Variants in GALNT13 observed in about 807,000 individuals in gnomAD.
GALNT13 encodes polypeptide N-acetylgalactosaminyltransferase 13.
GALNT13 carries 28 observed loss-of-function variants against 64.2 expected under a neutral mutation model. That is an observed-to-expected ratio of 0.44 (90% CI 0.32 to 0.60). The LOEUF (loss-of-function observed/expected upper bound fraction) is 0.60, where lower values mean the gene tolerates loss of function less well. Among genes scored for constraint, GALNT13 ranks in the 20% least tolerant of loss-of-function variants. GALNT13 has a pLI of 0.05. For missense variants in GALNT13, 577 were observed against 669.8 expected, an observed-to-expected ratio of 0.86 and a Z score of 1.53; for synonymous variants, 214 against 224.6, an observed-to-expected ratio of 0.95 and a Z score of 0.42.
intron 3 of GALNT13, among the ~76,000 whole-genome samples, chr2:154,051,427 A>T (rs1045423792): frequency 6.6e-6 from 1 of 151,228 alleles, no homozygotes; most frequent in African/African-American, 2.4e-5. Context: ...AGTAGCTGGG[A>T]CTACAGGCGC....
At chr2:153,599,485 C>T in the GALNT13 span, among the ~76,000 whole-genome samples, 1 of 151,936 alleles carries the variant, frequency 6.6e-6, no homozygotes, top group Admixed American at 6.6e-5. Context: ...GGAGAACAAT[C>T]ACTTTGTATG....
intron 3 of GALNT13, among the ~76,000 whole-genome samples, chr2:154,114,516 A>G (rs1703172116): frequency 6.6e-6 from 1 of 151,976 alleles, no homozygotes; most frequent in Non-Finnish European, 1.5e-5. Flanking sequence ...TTTCTCTTTC[A>G]CCAGAAGTCT....
chr2:153,841,188 T>C, the GALNT13 span, among the ~76,000 whole-genome samples: 1 of 152,170 alleles, frequency 6.6e-6, no homozygotes. Context: ...AGATATTTAA[T>C]ATTTTTCCTT....
chr2:154,229,200 T>C (rs1437566536), intron 4 of GALNT13, among the ~76,000 whole-genome samples: 1 of 152,092 alleles, frequency 6.6e-6, no homozygotes, highest in African/African-American at 2.4e-5. Flanking sequence ...TTCCTTCCAG[T>C]CATAGCTTAT....
At chr2:154,166,351 G>A (rs1300096622) in intron 4 of GALNT13, among the ~76,000 whole-genome samples, 1 of 152,204 alleles carries the variant, frequency 6.6e-6, no homozygotes, top group East Asian at 1.9e-4. Flanking sequence ...GTTGCAATGA[G>A]CGGAGATCAC....
chr2:154,167,950 A>T (rs1685128867), intron 4 of GALNT13, among the ~76,000 whole-genome samples: 1 of 152,200 alleles, frequency 6.6e-6, no homozygotes, highest in South Asian at 2.1e-4. Context: ...GAGTATTTTC[A>T]CATGGGAAGG....
chr2:153,082,953 C>G, the GALNT13 span, among the ~76,000 whole-genome samples: 1 of 151,646 alleles, frequency 6.6e-6, no homozygotes, highest in East Asian at 2.0e-4. Context: ...CTCAGCCTCC[C>G]AAGTGTCTGG....
the GALNT13 span, among the ~76,000 whole-genome samples, chr2:153,107,609 G>C: frequency 1.1e-4 from 17 of 152,278 alleles, no homozygotes; most frequent in East Asian, 3.1e-3. Flanking sequence ...CTGGAGAGGA[G>C]TAGAGAAGTA....
chr2:153,071,350 A>G, the GALNT13 span, among the ~76,000 whole-genome samples: 2 of 152,184 alleles, frequency 1.3e-5, no homozygotes, highest in Non-Finnish European at 2.9e-5. Context: ...CTCTTACATG[A>G]TATTTAGTCC....
At chr2:154,330,435 T>C (rs1263934394) in intron 9 of GALNT13, among the ~76,000 whole-genome samples, 1 of 152,118 alleles carries the variant, frequency 6.6e-6, no homozygotes, top group Non-Finnish European at 1.5e-5. Context: ...TCATGTTCCT[T>C]TACCTGTTGG....
intron 9 of GALNT13, among the ~76,000 whole-genome samples, chr2:154,314,561 C>T (rs12693972): frequency 0.23 from 35,161 of 152,042 alleles, 4,283 homozygotes; most frequent in Middle Eastern, 0.36. Flanking sequence ...CAGAATCTGC[C>T]TGGCTTCTGA....
intron 4 of GALNT13, among the ~76,000 whole-genome samples, chr2:154,213,441 C>T (rs1687883215): frequency 6.6e-6 from 1 of 152,018 alleles, no homozygotes; most frequent in African/African-American, 2.4e-5. Context: ...GTAAATGTTG[C>T]AGACAGACTA....
chr2:153,679,087 G>C, the GALNT13 span, among the ~76,000 whole-genome samples: 1 of 151,912 alleles, frequency 6.6e-6, no homozygotes, highest in Non-Finnish European at 1.5e-5. Context: ...ATGAGTACTA[G>C]CTAGTTTTCA....
chr2:153,927,427 G>A (rs965962777), intron 2 of GALNT13, among the ~76,000 whole-genome samples: 5 of 151,574 alleles, frequency 3.3e-5, no homozygotes, highest in Non-Finnish European at 7.4e-5. Flanking sequence ...GTTATATCTC[G>A]CATTATATTT....
At chr2:153,275,752 C>T in the GALNT13 span, among the ~76,000 whole-genome samples, 2 of 151,822 alleles carry the variant, frequency 1.3e-5, no homozygotes, top group Admixed American at 1.3e-4. Flanking sequence ...AGTTTTTTTG[C>T]CATTACAATA....
chr2:154,099,732 G>C (rs1038859854), intron 3 of GALNT13, among the ~76,000 whole-genome samples: 8 of 152,054 alleles, frequency 5.3e-5, no homozygotes, highest in Admixed American at 2.6e-4. Context: ...GAGCCCAAAA[G>C]TTCAAGACCA....
At chr2:153,561,653 G>A in the GALNT13 span, among the ~76,000 whole-genome samples, 1 of 151,800 alleles carries the variant, frequency 6.6e-6, no homozygotes, top group African/African-American at 2.4e-5. Context: ...GTGTGTGTGT[G>A]TGTGTGTGTG....
chr2:154,253,489 A>G (rs1414773773), intron 7 of GALNT13, among the ~76,000 whole-genome samples: 1 of 152,190 alleles, frequency 6.6e-6, no homozygotes, highest in East Asian at 1.9e-4. Flanking sequence ...AAAGCTTCAT[A>G]TCTTAAATTC....
chr2:154,444,069 G>C (rs1474367137), intron 12 of GALNT13, among the ~76,000 whole-genome samples: 1 of 152,088 alleles, frequency 6.6e-6, no homozygotes. Context: ...GCTGGATGTA[G>C]TGGCATGGGC....
Sources: allele counts gnomAD v4.1 joint callset (sites outside exome capture counted in the v4.1 genomes callset), GRCh38; gene constraint gnomAD v4.1.1; transcripts MANE v1.5; gene names NCBI Gene and HGNC (gene_info 2026-07-23, HGNC 2026-07-21).